Variants in ARHGEF12 observed in about 807,000 individuals in gnomAD.
ARHGEF12 encodes the protein Rho guanine nucleotide exchange factor 12, also known as KMT2A/ARHGEF12 fusion protein.
Under a neutral mutation model 211.2 loss-of-function variants are expected in ARHGEF12, and 66 were observed. The ratio of observed to expected loss-of-function variants is 0.31; its 90% CI spans 0.26 to 0.38. The LOEUF (loss-of-function observed/expected upper bound fraction) is 0.38, where lower values mean the gene tolerates loss of function less well. Among genes scored for constraint, ARHGEF12 ranks in the 10% least tolerant of loss-of-function variants. The pLI is 1.00. For synonymous variants in ARHGEF12, 592 were observed against 638.4 expected (o/e 0.93, Z 1.09); for missense variants, 1,429 against 1,869.5 (o/e 0.76, Z 4.34).
intron 1 of ARHGEF12, among the ~76,000 whole-genome samples, chr11:120,343,198 C>T (rs1304715185): frequency 6.6e-6 from 1 of 152,122 alleles, no homozygotes. Flanking sequence ...ATCTGTAAGA[C>T]TGTAGACCTT....
rs1031496088 is a variant in ARHGEF12, at chr11:120,443,030, T to A, written c.1302+828T>A. ...GCTATGGAGTGACTGTCTTTTTTTTTTTTTTTTTTGAGACAGAGTCTTGCT... is the reference window on the plus strand; with the variant it reads ...GCTATGGAGTGACTGTCTTTTTTTTATTTTTTTTTGAGACAGAGTCTTGCT... On this transcript the variant is annotated intron_variant, in intron 15 of 40. Coordinates refer to ENST00000397843, the MANE Select transcript of ARHGEF12 (RefSeq NM_015313.3). Among the ~76,000 whole-genome samples the A allele has an allele frequency of 1.3e-4, 20 of 148,460 alleles. 1 individual carries two copies. The highest frequency in any genetic ancestry group is 6.1e-5 in the Non-Finnish European group (4 of 65,824).
chr11:120,400,669 G>A (rs1342044836), intron 1 of ARHGEF12, among the ~76,000 whole-genome samples: 1 of 152,196 alleles, frequency 6.6e-6, no homozygotes, highest in Non-Finnish European at 1.5e-5. Context: ...ATTGTGAGCT[G>A]CATTTCTCAG....
intron 1 of ARHGEF12, among the ~76,000 whole-genome samples, chr11:120,372,839 G>A (rs1320754038): frequency 6.6e-6 from 1 of 151,870 alleles, no homozygotes; most frequent in African/African-American, 2.4e-5. Flanking sequence ...CTACTTCATA[G>A]GACTTCAGAT....
In ARHGEF12 at chr11:120,477,321, C is replaced by T. The variant is rs758269690; in HGVS notation, c.3452+16C>T. On this transcript the variant is annotated intron_variant, in intron 35 of 40. Coordinates refer to ENST00000397843, the MANE Select transcript of ARHGEF12 (RefSeq NM_015313.3). ...CACCTGGCGAGTGAGTGTTCCTTTG[C>T]ATTGTAGTAGGACTTATTTTATGTT... 6 of 1,612,118 alleles carry T rather than the reference C, an allele frequency of 3.7e-6. No individual in the cohort carries two copies. In the South Asian group the frequency reaches 6.6e-5, roughly 18 times the overall value.
intron 15 of ARHGEF12, among the ~76,000 whole-genome samples, chr11:120,443,152 G>A (rs1591598443): frequency 6.6e-6 from 1 of 151,604 alleles, no homozygotes; most frequent in Non-Finnish European, 1.5e-5. Flanking sequence ...CTCCCAAGTA[G>A]CTGGGACTAC....
intron 1 of ARHGEF12, among the ~76,000 whole-genome samples, chr11:120,364,235 A>G (rs906710717): frequency 5.3e-5 from 8 of 152,208 alleles, no homozygotes; most frequent in African/African-American, 1.9e-4. Flanking sequence ...AAAAAAATTT[A>G]GAAAAATCCC....
chr11:120,445,794 A>C (rs191246075), intron 16 of ARHGEF12, among the ~76,000 whole-genome samples: 60 of 152,318 alleles, frequency 3.9e-4, no homozygotes, highest in African/African-American at 1.4e-3. Flanking sequence ...GCTACTTAGG[A>C]GGCTGAGGCA....
intron 1 of ARHGEF12, among the ~76,000 whole-genome samples, chr11:120,344,059 A>G (rs1942619136): frequency 1.3e-5 from 2 of 152,048 alleles, no homozygotes; most frequent in Non-Finnish European, 2.9e-5. Flanking sequence ...TGAGGTCAAG[A>G]GTTCAAGACT....
At chr11:120,476,320 G>T in intron 33 of ARHGEF12, 1 of 170,732 alleles carries the variant, frequency 5.9e-6, no homozygotes. Context: ...CGGTCCACCT[G>T]CCTCGGCCTC....
chr11:120,342,650 TA>T (rs1565413213), intron 1 of ARHGEF12, among the ~76,000 whole-genome samples: 1 of 152,096 alleles, frequency 6.6e-6, no homozygotes, highest in African/African-American at 2.4e-5. Context: ...GATTCACTTT[TA>T]TTTTAGATAG....
At chr11:120,459,390 T>G in intron 26 of ARHGEF12, 70 bp downstream of exon 26, 1 of 1,506,098 alleles carries the variant, frequency 6.6e-7, no homozygotes. Context: ...GTTTAAAATT[T>G]TGTAAATGTA....
Position 120,451,553 on chromosome 11 carries a change from C to T in ARHGEF12, c.1885C>T (p.His629Tyr), listed in dbSNP as rs1389273461. ...MELQKARHPKHLSTPSSVSPE... is the reference protein window; with the variant it reads ...MELQKARHPKYLSTPSSVSPE... ...ACTACAGAAGGCGCGCCACCCTAAG[C>T]ACTTATCCACACCCTCATCTGTGAG... Residue 629 changes from histidine to tyrosine, a missense_variant, in exon 22 of 41, where the codon CAC (histidine) becomes TAC (tyrosine). Coordinates refer to ENST00000397843, the MANE Select transcript of ARHGEF12 (RefSeq NM_015313.3). The T allele has an allele frequency of 6.2e-7, 1 of 1,614,178 alleles. No individual in the cohort carries two copies.
chr11:120,379,167 G>T (rs561567655), intron 1 of ARHGEF12, among the ~76,000 whole-genome samples: 193 of 152,006 alleles, frequency 1.3e-3, no homozygotes, highest in African/African-American at 4.1e-3. Context: ...GTTTGCACAT[G>T]GTTTGTTAAG....
At chr11:120,440,093 G>C in intron 12 of ARHGEF12, 36 bp from the exon 13 acceptor site, 1 of 1,468,188 alleles carries the variant, frequency 6.8e-7, no homozygotes, top group Non-Finnish European at 9.5e-7. Flanking sequence ...TGACCACCAG[G>C]TAATTTTTCT....
At chr11:120,374,667 T>C (rs907510745) in intron 1 of ARHGEF12, among the ~76,000 whole-genome samples, 1 of 152,218 alleles carries the variant, frequency 6.6e-6, no homozygotes, top group African/African-American at 2.4e-5. Context: ...AGAATTGACC[T>C]CGTGAATTTT....
chr11:120,403,663 A>T (rs1439705294), intron 1 of ARHGEF12, among the ~76,000 whole-genome samples: 1 of 152,214 alleles, frequency 6.6e-6, no homozygotes, highest in Non-Finnish European at 1.5e-5. Context: ...ACATATAAGT[A>T]AACACAGTAT....
At chr11:120,351,278 C>T (rs12785387) in intron 1 of ARHGEF12, among the ~76,000 whole-genome samples, 24,854 of 121,642 alleles carry the variant, frequency 0.2, 2,447 homozygotes, top group South Asian at 0.28. Context: ...ACCCGGGAGG[C>T]GGAGCTTGCA....
chr11:120,450,439 T>C (rs1252568762), intron 21 of ARHGEF12: 1 of 148,450 alleles, frequency 6.7e-6, no homozygotes, highest in Non-Finnish European at 1.5e-5. Context: ...TGATAGTGAG[T>C]GTCCCCCACA....
rs531285077 is a variant in ARHGEF12 at position 120,401,031 on chromosome 11, G to A, written c.33-5087G>A. 5.9e-5 allele frequency among the ~76,000 whole-genome samples: 9 copies of A among 152,292 alleles called. No homozygotes were observed. The East Asian group carries it at 1.7e-3, about 29-fold the overall frequency. On this transcript the variant is annotated intron_variant, in intron 1 of 40. Coordinates refer to ENST00000397843, the MANE Select transcript of ARHGEF12 (RefSeq NM_015313.3). ...AGTCATTCCGTCAGCTGTAGCTTCT[G>A]TTTTATAGTCCTTCGGATATAACTA...
Sources: gnomAD v4.1 joint callset for allele counts (sites outside exome capture counted in the v4.1 genomes callset) on GRCh38, gnomAD v4.1.1 for gene constraint, MANE v1.5 for transcripts, NCBI Gene and HGNC (gene_info 2026-07-23, HGNC 2026-07-21) for gene names.